The following TIAM2 variants were observed in gnomAD, a reference collection of about 807,000 sequenced individuals.
TIAM2 encodes the protein rho guanine nucleotide exchange factor TIAM2.
TIAM2 carries 80 observed loss-of-function variants against 152.9 expected under a neutral mutation model. The ratio of observed to expected loss-of-function variants is 0.52; its 90% CI spans 0.44 to 0.63. The LOEUF is 0.63. Ranked by LOEUF, TIAM2 falls within the 30% of genes least tolerant of loss-of-function variation. The pLI is 0.00. For synonymous variants in TIAM2, 804 were observed against 838.0 expected (o/e 0.96, Z 0.70); for missense variants, 1,965 against 2,120.1 (o/e 0.93, Z 1.44).
chr6:155,094,165 G>T (rs1333406972), intron 2 of TIAM2, among the ~76,000 whole-genome samples: 1 of 152,184 alleles, frequency 6.6e-6, no homozygotes, highest in Non-Finnish European at 1.5e-5. Context: ...GCAACATTGG[G>T]TTCTACCTTC....
rs1784044908 is a variant in TIAM2 at position 155,256,569 on chromosome 6, T to C, written c.4554T>C (p.Ser1518=). 6.2e-7 allele frequency: 1 copy of C among 1,614,052 alleles called. No homozygotes were observed. The highest frequency in any genetic ancestry group is 1.7e-5 in the Admixed American group (1 of 60,008). The change falls in exon 27 of 27, where the codon TCT becomes TCC. Residue 1518 remains serine, a synonymous_variant. Transcript: ENST00000682666. ...GETGKGTLLD[S]DEGSLSSGTQ... Reference sequence around the variant, plus strand: ...CTGGCAAGGGAACCTTGCTGGACTCTGACGAGGGCAGCTTGAGCAGCGGCA... The same window carrying C: ...CTGGCAAGGGAACCTTGCTGGACTCCGACGAGGGCAGCTTGAGCAGCGGCA...
chr6:155,130,268 G>C lies in TIAM2; in HGVS notation c.1045G>C (p.Asp349His), dbSNP rs200180383. 1.9e-6 allele frequency: 3 copies of C among 1,614,064 alleles called. No homozygotes were observed. Among genetic ancestry groups the C allele is most frequent in the Non-Finnish European group, 2.5e-6 (3 of 1,180,040 alleles). Residue 349 changes from aspartate to histidine, a missense_variant, in exon 4 of 27, where the codon GAC becomes CAC. Physicochemically the swap from Asp to His is moderately conservative, Grantham distance 81. Transcript: ENST00000682666. ...TGTGCCCTCCAGAGTGGCACACGGG[G>C]ACCCCATCCAGTACAGTTCCTTCAC... is the stretch of plus-strand genomic sequence containing the variant. The part of the protein sequence containing the change: ...IDVPSRVAHG[D>H]PIQYSSFTLP...
At chr6:155,245,580 G>T in intron 18 of TIAM2, 43 bp from the exon 19 acceptor site, 1 of 1,523,192 alleles carries the variant, frequency 6.6e-7, no homozygotes, top group Non-Finnish European at 9.1e-7. Context: ...AGCACGCATT[G>T]ATTAAACCAT....
chr6:155,076,175 C>T (rs1424824179), intron 1 of TIAM2, among the ~76,000 whole-genome samples: 2 of 151,992 alleles, frequency 1.3e-5, no homozygotes, highest in South Asian at 2.1e-4. Context: ...TGGGTTGGGG[C>T]GTGAGGCATG....
intron 4 of TIAM2, among the ~76,000 whole-genome samples, chr6:155,133,626 C>T (rs1354038889): frequency 1.3e-5 from 2 of 152,166 alleles, no homozygotes; most frequent in Admixed American, 1.3e-4. Flanking sequence ...CTGCCCCTGG[C>T]AACCACCATT....
chr6:154,998,448 C>G (rs1183043985), intron 1 of TIAM2, among the ~76,000 whole-genome samples: 5 of 152,102 alleles, frequency 3.3e-5, no homozygotes, highest in Non-Finnish European at 5.9e-5. Context: ...ATGAAAAATG[C>G]AGTTTTCATT....
chr6:155,052,654 G>A (rs570300264), intron 1 of TIAM2, among the ~76,000 whole-genome samples: 6 of 151,572 alleles, frequency 4.0e-5, no homozygotes, highest in Admixed American at 2.6e-4. Flanking sequence ...TAATCCCAGC[G>A]ACTCGGGAGG....
chr6:155,228,305 G>A (rs1782318444), intron 15 of TIAM2, among the ~76,000 whole-genome samples: 1 of 152,200 alleles, frequency 6.6e-6, no homozygotes, highest in South Asian at 2.1e-4. Context: ...AGTCTGTCAA[G>A]AATTTGGTTA....
chr6:155,135,099 T>A (rs1779528941), intron 4 of TIAM2, among the ~76,000 whole-genome samples: 1 of 152,202 alleles, frequency 6.6e-6, no homozygotes, highest in African/African-American at 2.4e-5. Flanking sequence ...AGCTGGTTTA[T>A]TTGCTCTGTT....
rs1554228973 is a variant in TIAM2 at position 155,083,367 on chromosome 6, A to AAGG, written c.-208-6920_-208-6919insGAG. On this transcript the variant is annotated intron_variant, in intron 1 of 26. Coordinates refer to ENST00000682666, the MANE Select transcript of TIAM2 (RefSeq NM_012454.4). ...TTATCTCAAAAAAAAAAAAAAAAAA[A>AAGG]AGAGAGAGAGAGAGAGAGATGGGCA... Among the ~76,000 whole-genome samples, 79 of 119,298 alleles carry AAGG rather than the reference A, an allele frequency of 6.6e-4. 2 individuals are homozygous for AAGG. The East Asian group carries it at 0.019, about 29-fold the overall frequency. The allele number at this position is 119,298 out of a possible 152,430, so 78.3% of individuals were successfully genotyped here.
At chr6:155,239,481 T>C (rs1782926147) in intron 15 of TIAM2, among the ~76,000 whole-genome samples, 1 of 152,130 alleles carries the variant, frequency 6.6e-6, no homozygotes, top group South Asian at 2.1e-4. Context: ...GAATGAGAAG[T>C]AAAAGGACAC....
intron 1 of TIAM2, among the ~76,000 whole-genome samples, chr6:155,018,503 C>T (rs1778638498): frequency 6.6e-6 from 1 of 150,946 alleles, no homozygotes. Context: ...CCTGTAATCC[C>T]AGCTACTCAG....
chr6:155,177,129 A>G (rs1345971914), intron 10 of TIAM2, 152 bp downstream of exon 10: 4 of 706,616 alleles, frequency 5.7e-6, no homozygotes, highest in South Asian at 2.2e-5. Context: ...ATTTATTAGC[A>G]TATTCATTAA....
chr6:155,247,963 T>C, intron 19 of TIAM2, 37 bp from the exon 20 acceptor site: 11 of 1,595,262 alleles, frequency 6.9e-6, no homozygotes, highest in Non-Finnish European at 9.4e-6. Flanking sequence ...TTCACCCCAC[T>C]GTGCTCTTCT....
At chr6:155,115,874 G>T (rs1038683886) in intron 2 of TIAM2, among the ~76,000 whole-genome samples, 1 of 152,164 alleles carries the variant, frequency 6.6e-6, no homozygotes, top group Non-Finnish European at 1.5e-5. Context: ...ATCTATGGGA[G>T]GCCGAGGTGG....
chr6:155,044,821 C>G (rs1398820719), intron 1 of TIAM2, among the ~76,000 whole-genome samples: 1 of 143,328 alleles, frequency 7.0e-6, no homozygotes, highest in Non-Finnish European at 1.5e-5. Context: ...GAGCAAGACT[C>G]TGTCTCGAAA....
At chr6:155,077,759 C>T (rs190375587) in intron 1 of TIAM2, among the ~76,000 whole-genome samples, 21 of 152,092 alleles carry the variant, frequency 1.4e-4, no homozygotes, top group Admixed American at 5.9e-4. Flanking sequence ...GGAGGGTGGG[C>T]GTAATTGTTT....
intron 14 of TIAM2, among the ~76,000 whole-genome samples, chr6:155,188,064 G>A (rs980792603): frequency 6.6e-6 from 1 of 152,174 alleles, no homozygotes; most frequent in African/African-American, 2.4e-5. Flanking sequence ...GGCCTTCTAT[G>A]CCGAGGTTTT....
At chr6:155,241,319 A>G (rs755409574) in intron 16 of TIAM2, among the ~76,000 whole-genome samples, 23 of 152,334 alleles carry the variant, frequency 1.5e-4, no homozygotes, top group Non-Finnish European at 2.8e-4. Context: ...CCTGGGGAGC[A>G]GAGTTCTTTT....
Sources: gnomAD v4.1 joint callset for allele counts (sites outside exome capture counted in the v4.1 genomes callset) on GRCh38, gnomAD v4.1.1 for gene constraint, MANE v1.5 for transcripts, NCBI Gene and HGNC (gene_info 2026-07-23, HGNC 2026-07-21) for gene names.